Variants in ARIH2 observed in about 807,000 individuals in gnomAD.
ARIH2 encodes the protein E3 ubiquitin-protein ligase ARIH2.
ARIH2 carries 12 observed loss-of-function variants against 79.8 expected under a neutral mutation model. The ratio of observed to expected loss-of-function variants is 0.15; its 90% confidence interval spans 0.10 to 0.24. ARIH2 has a LOEUF of 0.24. Ranked by LOEUF, ARIH2 falls within the 10% of genes least tolerant of loss-of-function variation. ARIH2 has a pLI of 1.00. For synonymous variants in ARIH2, 224 were observed against 213.9 expected (o/e 1.05, Z -0.41); for missense variants, 301 against 618.3 (o/e 0.49, Z 5.44).
intron 2 of ARIH2, among the ~76,000 whole-genome samples, chr3:48,924,393 T>C (rs889586944): frequency 1.3e-5 from 2 of 152,022 alleles, no homozygotes; most frequent in Non-Finnish European, 2.9e-5. Flanking sequence ...ACAGAATCTC[T>C]CTGTTGCCTA....
intron 3 of ARIH2, among the ~76,000 whole-genome samples, chr3:48,960,061 T>C (rs2091087772): frequency 6.6e-6 from 1 of 152,208 alleles, no homozygotes; most frequent in Non-Finnish European, 1.5e-5. Context: ...TTCTGTGTGT[T>C]TTCTTGTCTC....
intron 3 of ARIH2, chr3:48,934,827 C>T (rs1332038819): frequency 7.1e-6 from 7 of 985,270 alleles, no homozygotes; most frequent in African/African-American, 3.5e-5. Flanking sequence ...ACAAAACATG[C>T]TCATCATCTT....
intron 3 of ARIH2, among the ~76,000 whole-genome samples, chr3:48,935,381 G>A (rs999275658): frequency 2.0e-5 from 3 of 152,122 alleles, no homozygotes; most frequent in Admixed American, 1.3e-4. Flanking sequence ...ACTTTAAATG[G>A]CTGTGTAGCA....
intron 3 of ARIH2, among the ~76,000 whole-genome samples, chr3:48,952,310 T>C (rs1266514568): frequency 6.6e-6 from 1 of 152,180 alleles, no homozygotes; most frequent in Non-Finnish European, 1.5e-5. Flanking sequence ...AGTGAATTGC[T>C]GTGGGGAGGA....
At chr3:48,930,244 C>T (rs2086185345) in intron 3 of ARIH2, among the ~76,000 whole-genome samples, 1 of 152,142 alleles carries the variant, frequency 6.6e-6, no homozygotes, top group Non-Finnish European at 1.5e-5. Context: ...GAGAAGGAAT[C>T]ATATACAAAG....
chr3:48,973,387 C>G (rs1434101131), intron 8 of ARIH2, among the ~76,000 whole-genome samples: 1 of 152,080 alleles, frequency 6.6e-6, no homozygotes, highest in East Asian at 1.9e-4. Context: ...ACCATCCTGG[C>G]TAACACGGTG....
chr3:48,918,864 T>C lies in ARIH2; in HGVS notation c.-296T>C, dbSNP rs746478215. On this transcript the variant is annotated 5_prime_UTR_variant, in exon 1 of 16. Coordinates refer to ENST00000356401, the MANE Select transcript of ARIH2 (RefSeq NM_006321.4). ...TCCGGAGCTGTGGGGACGACTCTTC[T>C]GGAGGAAGCAGCGCGGGCTTGACCG... 18 of 1,610,448 alleles carry C rather than the reference T, an allele frequency of 1.1e-5. No individual in the cohort carries two copies. The East Asian group carries it at 1.8e-4, about 16-fold the overall frequency.
chr3:48,923,483 G>GTTAT (rs2085123470), intron 2 of ARIH2, among the ~76,000 whole-genome samples: 1 of 150,250 alleles, frequency 6.7e-6, no homozygotes, highest in South Asian at 2.1e-4. Flanking sequence ...TTAGAAATGG[G>GTTAT]AGCATTTATA....
chr3:48,971,734 C>T (rs2092250680), intron 8 of ARIH2, among the ~76,000 whole-genome samples: 1 of 152,162 alleles, frequency 6.6e-6, no homozygotes, highest in African/African-American at 2.4e-5. Context: ...ATTATTGACA[C>T]CAAAGGTTAA....
At chr3:48,970,383 C>T (rs1462381173) in intron 7 of ARIH2, among the ~76,000 whole-genome samples, 1 of 152,158 alleles carries the variant, frequency 6.6e-6, no homozygotes, top group Non-Finnish European at 1.5e-5. Context: ...TAGATCATTC[C>T]AGTGAGTTGC....
chr3:48,974,999 T>C lies in ARIH2; in HGVS notation c.961+20T>C. The C allele has an allele frequency of 6.2e-7, 1 of 1,614,246 alleles. No homozygotes were observed. Among genetic ancestry groups the C allele is most frequent in the Non-Finnish European group, 8.5e-7 (1 of 1,180,034 alleles). On this transcript the variant is annotated intron_variant, in intron 11 of 15. Coordinates refer to ENST00000356401, the MANE Select transcript of ARIH2 (RefSeq NM_006321.4). ...AACACGGTGAGTTCCAAGCTTGGTG[T>C]GTAAGGCCCAGTGGCACTTTCTTGT...
At chr3:48,976,503 T>C (rs777038553) in intron 11 of ARIH2, among the ~76,000 whole-genome samples, 10 of 151,960 alleles carry the variant, frequency 6.6e-5, no homozygotes, top group Non-Finnish European at 1.3e-4. Flanking sequence ...GAGCCACCGC[T>C]CCCGGCCCCA....
chr3:48,973,825 C>A lies in ARIH2; in HGVS notation c.888+9C>A. The A allele has an allele frequency of 3.8e-6, 6 of 1,592,232 alleles. No homozygotes were observed. Among genetic ancestry groups the A allele is most frequent in the Non-Finnish European group, 5.2e-6 (6 of 1,160,432 alleles). On this transcript the variant is annotated intron_variant, in intron 9 of 15. Transcript: ENST00000356401. ...GTGCTCACACTAAAGACGTAAGGAC[C>A]GTATTTTACCTCTCATGGATTTGCC...
At chr3:48,958,840 C>G (rs1203800019) in intron 3 of ARIH2, among the ~76,000 whole-genome samples, 2 of 152,052 alleles carry the variant, frequency 1.3e-5, no homozygotes, top group Non-Finnish European at 2.9e-5. Context: ...CATGGAGAAA[C>G]CATGTCTCTA....
At chr3:48,955,930 C>T (rs2090517636) in intron 3 of ARIH2, among the ~76,000 whole-genome samples, 1 of 152,086 alleles carries the variant, frequency 6.6e-6, no homozygotes, top group Non-Finnish European at 1.5e-5. Flanking sequence ...TGTTTTTCTC[C>T]ATCTCTGTGC....
chr3:48,976,154 C>G (rs199784102), intron 11 of ARIH2, among the ~76,000 whole-genome samples: 31 of 150,472 alleles, frequency 2.1e-4, no homozygotes, highest in African/African-American at 6.9e-4. Flanking sequence ...TCAGGTGATC[C>G]GCCTACCTTG....
chr3:48,984,993 A>C lies in ARIH2; in HGVS notation c.*1723A>C, dbSNP rs1268672559. 1 of 152,250 alleles carries C rather than the reference A, an allele frequency of 6.6e-6. No individual in the cohort carries two copies. The highest frequency in any genetic ancestry group is 1.5e-5 in the Non-Finnish European group (1 of 68,084). The allele number at this position is 152,250 out of a possible 1,614,324, so 9.4% of individuals were successfully genotyped here. On this transcript the variant is annotated 3_prime_UTR_variant, in exon 16 of 16. Coordinates refer to ENST00000356401, the MANE Select transcript of ARIH2 (RefSeq NM_006321.4). ...TTAGGAGTATAGCAAATGAACCCAG[A>C]ATGGAACAGTGGGGAGCTAACTGTG...
At chr3:48,976,257 A>G in intron 11 of ARIH2, among the ~76,000 whole-genome samples, 1 of 147,520 alleles carries the variant, frequency 6.8e-6, no homozygotes, top group African/African-American at 2.5e-5. Context: ...CTTGTCGCTC[A>G]GGCTGGAATG....
At chr3:48,919,298 G>T in intron 1 of ARIH2, 1 of 983,476 alleles carries the variant, frequency 1.0e-6, no homozygotes, top group Non-Finnish European at 1.3e-6. Flanking sequence ...GCGCGGCGGG[G>T]AAACGCGCCG....
Sources: allele counts gnomAD v4.1 joint callset (sites outside exome capture counted in the v4.1 genomes callset), GRCh38; gene constraint gnomAD v4.1.1; transcripts MANE v1.5; gene names NCBI Gene and HGNC (gene_info 2026-07-23, HGNC 2026-07-21).